ZCWPW2: variants seen among roughly 807,000 people sequenced by gnomAD.
The protein encoded by ZCWPW2 is zinc finger CW-type and PWWP domain containing 2, also known as zinc finger CW-type PWWP domain protein 2.
In ZCWPW2, 45 loss-of-function variants were observed where a neutral mutation model predicts 46.6. The ratio of observed to expected loss-of-function variants is 0.96; its 90% confidence interval spans 0.76 to 1.24. ZCWPW2 has a LOEUF of 1.24. Among genes scored for constraint, ZCWPW2 ranks in the 50% most tolerant of loss-of-function variants. The pLI is 0.00. For missense variants in ZCWPW2, 429 were observed against 403.9 expected (o/e 1.06, Z -0.53); for synonymous variants, 152 against 137.1 (o/e 1.11, Z -0.76).
At chr3:28,364,306 T>C (rs902785397) in intron 1 of ZCWPW2, among the ~76,000 whole-genome samples, 8 of 149,840 alleles carry the variant, frequency 5.3e-5, no homozygotes, top group African/African-American at 1.7e-4. Flanking sequence ...GACATAGACA[T>C]ATATAAAAAC....
intron 9 of ZCWPW2, among the ~76,000 whole-genome samples, chr3:28,522,029 C>T (rs1273769973): frequency 2.0e-5 from 3 of 152,080 alleles, no homozygotes; most frequent in Non-Finnish European, 4.4e-5. Context: ...GTAACAAACA[C>T]CGCATGTTCT....
chr3:28,370,176 T>G (rs1266516821), intron 1 of ZCWPW2, among the ~76,000 whole-genome samples: 1 of 152,220 alleles, frequency 6.6e-6, no homozygotes, highest in Non-Finnish European at 1.5e-5. Flanking sequence ...GCACCCACTT[T>G]CTGACACTCC....
chr3:28,507,113 C>T (rs901193678), intron 6 of ZCWPW2, among the ~76,000 whole-genome samples: 1 of 152,154 alleles, frequency 6.6e-6, no homozygotes, highest in Non-Finnish European at 1.5e-5. Flanking sequence ...AACTCTAGAT[C>T]CTGTTATACC....
At chr3:28,429,741 G>A (rs114506690) in intron 3 of ZCWPW2, among the ~76,000 whole-genome samples, 1,842 of 152,198 alleles carry the variant, frequency 0.012, 30 homozygotes, top group African/African-American at 0.03. Flanking sequence ...TTGTGTAGTC[G>A]TGGGACTTGG....
At chr3:28,405,186 G>A (rs547691122) in intron 2 of ZCWPW2, among the ~76,000 whole-genome samples, 30 of 152,252 alleles carry the variant, frequency 2.0e-4, no homozygotes, top group African/African-American at 7.2e-4. Flanking sequence ...AGTCTTTGAT[G>A]TTGATCTTTC....
intron 4 of ZCWPW2, among the ~76,000 whole-genome samples, chr3:28,465,470 TA>T (rs1159275930): frequency 6.6e-6 from 1 of 152,202 alleles, no homozygotes; most frequent in Non-Finnish European, 1.5e-5. Context: ...CTTCTCAAAA[TA>T]ATGGAGTTAA....
At position 28,373,092 on chromosome 3, in the gene ZCWPW2, G is replaced by A. The variant is rs76973653; in HGVS notation, c.-133-17406G>A. The stretch of plus-strand genomic sequence containing the variant: ...ACACTTAGGGTGATTCCATAATTTG[G>A]CTATTGTGAATAGTGCTACAATAAA... On this transcript the variant is annotated intron_variant, in intron 1 of 9. Coordinates refer to ENST00000383768, the MANE Select transcript of ZCWPW2 (RefSeq NM_001040432.4). Among the ~76,000 whole-genome samples the A allele has an allele frequency of 6.9e-3, 1,044 of 152,066 alleles. 10 individuals carry two copies. The highest frequency in any genetic ancestry group is 0.023 in the African/African-American group (942 of 41,472).
chr3:28,498,766 A>G (rs1700065321), intron 6 of ZCWPW2, among the ~76,000 whole-genome samples: 1 of 151,926 alleles, frequency 6.6e-6, no homozygotes, highest in Non-Finnish European at 1.5e-5. Context: ...CGTCATCTAC[A>G]TTAGGTATTT....
chr3:28,384,194 A>G (rs1377270036), intron 1 of ZCWPW2, among the ~76,000 whole-genome samples: 1 of 152,152 alleles, frequency 6.6e-6, no homozygotes, highest in African/African-American at 2.4e-5. Context: ...ACCCAACCAC[A>G]GTCTTCTTTC....
At chr3:28,486,908 G>T (rs1476766648) in intron 5 of ZCWPW2, among the ~76,000 whole-genome samples, 1 of 151,710 alleles carries the variant, frequency 6.6e-6, no homozygotes, top group Non-Finnish European at 1.5e-5. Flanking sequence ...AGATTTCTAG[G>T]TGGCTGTGTT....
chr3:28,366,766 C>G (rs1043092401), intron 1 of ZCWPW2, among the ~76,000 whole-genome samples: 1 of 152,204 alleles, frequency 6.6e-6, no homozygotes, highest in African/African-American at 2.4e-5. Context: ...GTGAATCCAT[C>G]TGGTCCTGGA....
chr3:28,372,861 C>A (rs897097297), intron 1 of ZCWPW2, among the ~76,000 whole-genome samples: 1 of 152,100 alleles, frequency 6.6e-6, no homozygotes, highest in African/African-American at 2.4e-5. Context: ...CACTTACAAG[C>A]GAGAACTTGT....
intron 6 of ZCWPW2, among the ~76,000 whole-genome samples, chr3:28,510,492 T>A (rs1700397964): frequency 6.6e-6 from 1 of 152,174 alleles, no homozygotes. Flanking sequence ...TTTATTTAGA[T>A]TTACATAATG....
rs188769116 is a variant in ZCWPW2 at position 28,525,584 on chromosome 3, C to T, written c.*896C>T. 2.0e-5 allele frequency among the ~76,000 whole-genome samples: 3 copies of T among 152,166 alleles called. No homozygotes were observed. Among genetic ancestry groups the T allele is most frequent in the Admixed American group, 1.3e-4 (2 of 15,260 alleles). On this transcript the variant is annotated 3_prime_UTR_variant, in exon 10 of 10. Coordinates refer to ENST00000383768, the MANE Select transcript of ZCWPW2 (RefSeq NM_001040432.4). ...AAAGCTTGAGGAGAGAAGAAGTGCA[C>T]GAGAGCATCACCACAGCGGTGAATT...
intron 1 of ZCWPW2, among the ~76,000 whole-genome samples, chr3:28,355,197 T>C (rs1300200426): frequency 6.6e-6 from 1 of 152,178 alleles, no homozygotes; most frequent in Non-Finnish European, 1.5e-5. Flanking sequence ...CAAGCATTCT[T>C]ATACACCAAT....
intron 1 of ZCWPW2, among the ~76,000 whole-genome samples, chr3:28,353,327 T>G (rs1190032163): frequency 6.6e-6 from 1 of 152,198 alleles, no homozygotes; most frequent in African/African-American, 2.4e-5. Context: ...CTTTTTTTAT[T>G]GTAGGGAAGT....
At chr3:28,518,155 A>AT (rs1233891569) in intron 8 of ZCWPW2, among the ~76,000 whole-genome samples, 7 of 151,040 alleles carry the variant, frequency 4.6e-5, no homozygotes, top group African/African-American at 1.7e-4. Flanking sequence ...AAAAAAAAAA[A>AT]ATCTAGATAT....
At chr3:28,359,840 C>T (rs1297692181) in intron 1 of ZCWPW2, among the ~76,000 whole-genome samples, 1 of 152,078 alleles carries the variant, frequency 6.6e-6, no homozygotes, top group Non-Finnish European at 1.5e-5. Flanking sequence ...ATCGTCCCAT[C>T]TTCTCTTGGC....
intron 4 of ZCWPW2, among the ~76,000 whole-genome samples, chr3:28,453,562 G>A (rs906901489): frequency 6.6e-6 from 1 of 151,792 alleles, no homozygotes; most frequent in Admixed American, 6.6e-5. Context: ...CTTATTTTCT[G>A]TTAAAGAAAA....
Sources: gnomAD v4.1 joint callset for allele counts (sites outside exome capture counted in the v4.1 genomes callset) on GRCh38, gnomAD v4.1.1 for gene constraint, MANE v1.5 for transcripts, NCBI Gene and HGNC (gene_info 2026-07-23, HGNC 2026-07-21) for gene names.